The following PDE8B variants were observed in gnomAD, a reference collection of about 807,000 sequenced individuals.
PDE8B encodes phosphodiesterase 8B.
In PDE8B, 26 loss-of-function variants were observed where a neutral mutation model predicts 101.3. That is an observed-to-expected ratio of 0.26 (90% CI 0.19 to 0.36). The LOEUF is 0.36. PDE8B is among the 10% of genes least tolerant of loss of function. The pLI is 1.00. For synonymous variants in PDE8B, 424 were observed against 429.3 expected (o/e 0.99, Z 0.15); for missense variants, 810 against 1,163.1 (o/e 0.70, Z 4.42).
At chr5:77,371,041 C>CTAT (rs1290229404) in intron 10 of PDE8B, among the ~76,000 whole-genome samples, 2 of 152,160 alleles carry the variant, frequency 1.3e-5, no homozygotes, top group Non-Finnish European at 2.9e-5. Context: ...ATACATCAGT[C>CTAT]TATTACTAGG....
At chr5:77,119,268 TAAA>T in the PDE8B span, 3 of 152,112 alleles carry the variant, frequency 2.0e-5, no homozygotes, top group African/African-American at 7.2e-5. Flanking sequence ...GGCACTTTCT[TAAA>T]AAACTAAACA....
chr5:77,257,317 CT>C (rs1759397453), intron 1 of PDE8B, among the ~76,000 whole-genome samples: 1 of 152,118 alleles, frequency 6.6e-6, no homozygotes, highest in African/African-American at 2.4e-5. Context: ...CAACTATATG[CT>C]GTCAACAAGA....
At chr5:77,419,598 G>C (rs962656653) in intron 18 of PDE8B, among the ~76,000 whole-genome samples, 169 bp from the exon 19 acceptor site, 31 of 152,336 alleles carry the variant, frequency 2.0e-4, no homozygotes, top group African/African-American at 7.5e-4. Flanking sequence ...AATAGCATCT[G>C]CAAGTCTTGC....
chr5:77,099,720 C>T, the PDE8B span, among the ~76,000 whole-genome samples: 2 of 152,030 alleles, frequency 1.3e-5, no homozygotes, highest in Non-Finnish European at 2.9e-5. Flanking sequence ...CAAGCGATTC[C>T]TGTCTCAGCC....
At chr5:77,233,272 C>T (rs1244886961) in intron 1 of PDE8B, among the ~76,000 whole-genome samples, 1 of 152,026 alleles carries the variant, frequency 6.6e-6, no homozygotes, top group African/African-American at 2.4e-5. Context: ...CAATGCAAGC[C>T]CTACCATTGA....
At chr5:77,390,899 C>T (rs528500915) in intron 10 of PDE8B, among the ~76,000 whole-genome samples, 1 of 152,286 alleles carries the variant, frequency 6.6e-6, no homozygotes, top group South Asian at 2.1e-4. Context: ...TAAACCTCAG[C>T]TTCCTTGCCT....
chr5:77,176,049 C>T, the PDE8B span, among the ~76,000 whole-genome samples: 3 of 152,164 alleles, frequency 2.0e-5, no homozygotes, highest in East Asian at 3.9e-4. Flanking sequence ...CCTGAGTGGT[C>T]GGGCTTCTAT....
At chr5:77,124,163 T>G in the PDE8B span, among the ~76,000 whole-genome samples, 2 of 152,240 alleles carry the variant, frequency 1.3e-5, no homozygotes, top group East Asian at 3.9e-4. Flanking sequence ...ATCTAGAATC[T>G]AATCTGAAAT....
intron 1 of PDE8B, among the ~76,000 whole-genome samples, chr5:77,309,678 G>A (rs1018055822): frequency 6.6e-6 from 1 of 151,814 alleles, no homozygotes; most frequent in Non-Finnish European, 1.5e-5. Context: ...GAAGTGTAGT[G>A]GTGTGATCTT....
At chr5:77,286,192 T>G (rs537041477) in intron 1 of PDE8B, among the ~76,000 whole-genome samples, 1 of 152,320 alleles carries the variant, frequency 6.6e-6, no homozygotes, top group Admixed American at 6.5e-5. Flanking sequence ...ACACTCACAG[T>G]GTAAACATGA....
chr5:77,150,241 G>C, the PDE8B span, among the ~76,000 whole-genome samples: 1 of 152,150 alleles, frequency 6.6e-6, no homozygotes, highest in Admixed American at 6.5e-5. Context: ...ATACTCCTTA[G>C]TTGATAGAAG....
chr5:77,109,926 A>ATTTT, the PDE8B span, among the ~76,000 whole-genome samples: 1 of 85,202 alleles, frequency 1.2e-5, no homozygotes, highest in African/African-American at 4.6e-5. Context: ...TTTGTATTTC[A>ATTTT]GTTTTTTTTT....
chr5:77,302,319 T>A (rs896712188), intron 1 of PDE8B, among the ~76,000 whole-genome samples: 2 of 152,234 alleles, frequency 1.3e-5, no homozygotes, highest in Non-Finnish European at 2.9e-5. Context: ...AGCAAAGCTC[T>A]CTGAGTCTAG....
intron 1 of PDE8B, among the ~76,000 whole-genome samples, chr5:77,283,662 G>C (rs1177913467): frequency 1.3e-5 from 2 of 152,130 alleles, no homozygotes; most frequent in African/African-American, 4.8e-5. Flanking sequence ...TTCATGGGTT[G>C]ACAAACTATT....
At chr5:77,425,147 G>T (rs551327282) in intron 20 of PDE8B, among the ~76,000 whole-genome samples, 103 of 152,188 alleles carry the variant, frequency 6.8e-4, no homozygotes, top group Non-Finnish European at 1.3e-3. Context: ...TTTGGTATGA[G>T]AATTTGTGTT....
the PDE8B span, chr5:77,144,500 A>T: frequency 6.6e-6 from 1 of 152,184 alleles, no homozygotes; most frequent in African/African-American, 2.4e-5. Context: ...GCATTTTATA[A>T]TCATTAAAGA....
At chr5:77,108,246 T>G in the PDE8B span, among the ~76,000 whole-genome samples, 1 of 152,238 alleles carries the variant, frequency 6.6e-6, no homozygotes, top group Non-Finnish European at 1.5e-5. Flanking sequence ...GGCAAATTTT[T>G]ATTCTTATGT....
rs141223303 is a variant in PDE8B, at chr5:77,271,352, G to A, written c.340-40642G>A. ...CTCTGAGCTACTACTTGCCACCCTG[G>A]AAGGCTGTGGCTGGTACGTGATCTT... On this transcript the variant is annotated intron_variant, in intron 1 of 21. Transcript: ENST00000264917. 2.1e-3 allele frequency among the ~76,000 whole-genome samples: 321 copies of A among 152,306 alleles called. 1 individual carries two copies. Among genetic ancestry groups the A allele is most frequent in the South Asian group, 4.6e-3 (22 of 4,816 alleles).
chr5:77,185,528 ACATT>A, the PDE8B span, among the ~76,000 whole-genome samples: 1 of 152,156 alleles, frequency 6.6e-6, no homozygotes, highest in Non-Finnish European at 1.5e-5. Flanking sequence ...AAATACAGTT[ACATT>A]CTGAGGTACT....
Sources: gnomAD v4.1 joint callset for allele counts (sites outside exome capture counted in the v4.1 genomes callset) on GRCh38, gnomAD v4.1.1 for gene constraint, MANE v1.5 for transcripts, NCBI Gene and HGNC (gene_info 2026-07-23, HGNC 2026-07-21) for gene names.